The following PLEKHG2 variants were observed in gnomAD, a reference collection of about 807,000 sequenced individuals.
PLEKHG2 encodes pleckstrin homology and RhoGEF domain containing G2.
Under a neutral mutation model 104.4 loss-of-function variants are expected in PLEKHG2, and 71 were observed. That is an observed-to-expected ratio of 0.68 (90% CI 0.56 to 0.83). The LOEUF (loss-of-function observed/expected upper bound fraction) is 0.83, where lower values mean the gene tolerates loss of function less well. PLEKHG2 is among the 40% of genes least tolerant of loss of function. The pLI is 0.00. For missense variants in PLEKHG2, 1,730 were observed against 1,809.4 expected, an observed-to-expected ratio of 0.96 and a Z score of 0.80; for synonymous variants, 728 against 737.0, an observed-to-expected ratio of 0.99 and a Z score of 0.20.
chr19:39,414,073 T>C lies in PLEKHG2; in HGVS notation c.-14T>C. ...AGGGGCTCTTTCTGCAGGACTCTGC[T>C]GGGCCGCTCAGCCATGCCTGAGGGA... On this transcript the variant is annotated 5_prime_UTR_variant, in exon 2 of 19. Coordinates refer to ENST00000425673, the MANE Select transcript of PLEKHG2 (RefSeq NM_022835.3). The C allele has an allele frequency of 6.5e-7, 1 of 1,550,228 alleles. No homozygotes were observed. The highest frequency in any genetic ancestry group is 8.7e-7 in the Non-Finnish European group (1 of 1,146,062).
rs962221281 is a variant in PLEKHG2 at position 39,427,014 on chromosome 19, T to C, written c.*1720T>C. On this transcript the variant is annotated 3_prime_UTR_variant, in exon 19 of 19. Transcript: ENST00000425673. ...CGTGCACCACCATGCCCAGCTAATT[T>C]TTCGTTGTTGTTGTTGTTGTTTTGT... 3 of 152,182 alleles carry C rather than the reference T, an allele frequency of 2.0e-5. No individual in the cohort carries two copies. The highest frequency in any genetic ancestry group is 4.4e-5 in the Non-Finnish European group (3 of 68,150). 9.4% of individuals were successfully genotyped at this position (152,182 alleles called of 1,614,324 possible).
rs1328351462 is a variant in PLEKHG2 at position 39,422,283 on chromosome 19, C to A, written c.1672C>A (p.Pro558Thr). The A allele has an allele frequency of 9.9e-6, 16 of 1,610,310 alleles. No individual in the cohort carries two copies. Among genetic ancestry groups the A allele is most frequent in the Non-Finnish European group, 1.4e-5 (16 of 1,178,206 alleles). The change falls in exon 17 of 19, where the codon CCA becomes ACA. Residue 558 changes from proline (P) to threonine (T), a missense_variant. Transcript: ENST00000425673. Reference protein sequence around the residue: ...ELLNQRGLRDPGPSTHDIPKF... With the variant: ...ELLNQRGLRDTGPSTHDIPKF... ...GCTGAATCAGCGAGGCCTTCGAGAT[C>A]CAGGGGTGAGCTGGCTGTCCCATCA...
rs2078726978 is a variant in PLEKHG2, at chr19:39,423,153, A to C, written c.2099A>C (p.Gln700Pro). 1 of 1,613,546 alleles carries C rather than the reference A, an allele frequency of 6.2e-7. No homozygotes were observed. The highest frequency in any genetic ancestry group is 1.3e-5 in the African/African-American group (1 of 75,024). ...GACTCCTGGCTCCAAGGGCCTCTGC[A>C]GGAACCAGCTGAGGCTCCAGCCACC... ...SCDSWLQGPL[Q>P]EPAEAPATRR... Residue 700 changes from glutamine (Q) to proline (P), a missense_variant, in exon 18 of 19, where the codon CAG becomes CCG. Gln to Pro is a moderately conservative substitution (Grantham distance 76, BLOSUM62 -1). Transcript: ENST00000425673.
chr19:39,423,657 A>AGGTCC lies in PLEKHG2; in HGVS notation c.2599+7_2599+11dup. 6.5e-7 allele frequency: 1 copy of AGGTCC among 1,544,064 alleles called. No individual in the cohort carries two copies. The highest frequency in any genetic ancestry group is 8.7e-7 in the Non-Finnish European group (1 of 1,145,436). ...CCCCAGGAGCAGGCAGAGCCAGGTGAGGTCCGGGTACGTGGTTGGCAGAGG... is the reference window on the plus strand; with the variant it reads ...CCCCAGGAGCAGGCAGAGCCAGGTGAGGTCCGGTCCGGGTACGTGGTTGGCAGAGG... On this transcript the variant is annotated splice_donor_region_variant and intron_variant, in intron 18 of 18. Coordinates refer to ENST00000425673, the MANE Select transcript of PLEKHG2 (RefSeq NM_022835.3).
chr19:39,415,314 C>A lies in PLEKHG2; in HGVS notation c.379-25C>A. The A allele has an allele frequency of 6.2e-7, 1 of 1,611,736 alleles. No homozygotes were observed. Among genetic ancestry groups the A allele is most frequent in the South Asian group, 1.1e-5 (1 of 90,716 alleles). On this transcript the variant is annotated intron_variant, in intron 3 of 18. Transcript: ENST00000425673. The surrounding 1 kb of genome is among the most constrained non-coding windows in gnomAD (Gnocchi z 4.6). The stretch of plus-strand genomic sequence containing the variant: ...GGGTACCCAGGCCAGCCCCTTGGCC[C>A]CCATAACCCCAGTCATCCCAACAGG...
At chr19:39,421,178 G>T in intron 15 of PLEKHG2, 65 bp downstream of exon 15, 1 of 1,612,666 alleles carries the variant, frequency 6.2e-7, no homozygotes, top group South Asian at 1.1e-5. Context: ...TGTCTGGGGC[G>T]GGTTGGGGAG....
rs770968120 is a variant in PLEKHG2 at position 39,416,379 on chromosome 19, A to G, written c.511A>G (p.Ser171Gly). ...ELLEDLENSS[S>G]AGGIAECFVQ... ...CCTGGAGGACTTGGAGAACAGCAGC[A>G]GCGCCGGGGGTATTGCCGAGTGCTT... The change falls in exon 5 of 19, where the codon AGC becomes GGC. Residue 171 changes from serine to glycine, a missense_variant. Physicochemically the swap from Ser to Gly is moderately conservative, Grantham distance 56 (BLOSUM62 0). Transcript: ENST00000425673. The surrounding 1 kb of genome is among the most constrained non-coding windows in gnomAD (Gnocchi z 4.5). 35 of 1,612,770 alleles carry G rather than the reference A, an allele frequency of 2.2e-5. No individual in the cohort carries two copies. The highest frequency in any genetic ancestry group is 3.0e-5 in the Non-Finnish European group (35 of 1,179,780).
intron 7 of PLEKHG2, 70 bp downstream of exon 7, chr19:39,417,070 C>A: frequency 6.7e-7 from 1 of 1,495,758 alleles, no homozygotes; most frequent in Non-Finnish European, 8.9e-7. Context: ...GTTGGTTCAT[C>A]TGGAGGATGG....
At chr19:39,417,153 C>T (rs2078619316) in intron 7 of PLEKHG2, among the ~76,000 whole-genome samples, 153 bp downstream of exon 7, 1 of 149,610 alleles carries the variant, frequency 6.7e-6, no homozygotes, top group African/African-American at 2.5e-5. Flanking sequence ...ACAGCCCTAG[C>T]TTTTTTTTTT....
intron 11 of PLEKHG2, 118 bp downstream of exon 11, chr19:39,419,121 G>A: frequency 1.1e-6 from 1 of 938,020 alleles, no homozygotes; most frequent in Non-Finnish European, 1.5e-6. Context: ...ATTGCTAAAA[G>A]TGCAGAATTC....
At chr19:39,417,842 A>T in intron 8 of PLEKHG2, 63 bp from the exon 9 acceptor site, 2 of 1,505,138 alleles carry the variant, frequency 1.3e-6, no homozygotes. Context: ...TTTGGTGTGT[A>T]TGTGTGTGCC....
rs2078739290 is a variant in PLEKHG2 at position 39,423,765 on chromosome 19, T to C, written c.2632T>C (p.Cys878Arg). ...LLPAFGHVLV[C>R]ELAFPLTCAQ... Reference sequence around the variant, plus strand: ...GCCTGCCTTTGGACACGTGCTGGTATGTGAGCTGGCCTTCCCACTGACATG... The same window carrying C: ...GCCTGCCTTTGGACACGTGCTGGTACGTGAGCTGGCCTTCCCACTGACATG... The change falls in exon 19 of 19, where the codon TGT becomes CGT. Residue 878 changes from cysteine (C) to arginine (R), a missense_variant. Transcript: ENST00000425673. 1 of 1,613,658 alleles carries C rather than the reference T, an allele frequency of 6.2e-7. No individual in the cohort carries two copies. The highest frequency in any genetic ancestry group is 8.5e-7 in the Non-Finnish European group (1 of 1,179,648).
chr19:39,417,964 GGT>G lies in PLEKHG2; in HGVS notation c.945_946del (p.Leu316GlyfsTer18), dbSNP rs1442481725. The G allele has an allele frequency of 8.4e-6, 13 of 1,543,486 alleles. No homozygotes were observed. Among genetic ancestry groups the G allele is most frequent in the Non-Finnish European group, 1.1e-5 (13 of 1,145,344 alleles). On this transcript the variant is annotated frameshift_variant, in exon 9 of 19. Coordinates refer to ENST00000425673, the MANE Select transcript of PLEKHG2 (RefSeq NM_022835.3). LOFTEE classifies it high-confidence loss of function. ...GPELSAFGEL[V>X]LEGAFRGGGG... ...CAGAGCTCAGTGCTTTTGGGGAACT[GGT>G]GTTGGAGGGCGCGTTCCGAGGAGGC...
Position 39,423,436 on chromosome 19 carries a change from G to C in PLEKHG2, c.2382G>C (p.Ser794=). 1.9e-6 allele frequency: 3 copies of C among 1,609,990 alleles called. No individual in the cohort carries two copies. Among genetic ancestry groups the C allele is most frequent in the Non-Finnish European group, 2.5e-6 (3 of 1,177,724 alleles). Residue 794 remains serine, a synonymous_variant, in exon 18 of 19, where the codon TCG becomes TCC. Transcript: ENST00000425673. ...FPEPLLILED[S]DLGGDSGSGK... is the part of the protein sequence containing the mutation. Reference sequence around the variant, plus strand: ...AGCCACTGCTGATCCTGGAGGATTCGGATCTGGGTGGAGACAGCGGGAGCG... The same window carrying C: ...AGCCACTGCTGATCCTGGAGGATTCCGATCTGGGTGGAGACAGCGGGAGCG...
In PLEKHG2 at chr19:39,422,274, C is replaced by T; in HGVS notation, c.1663C>T (p.Leu555Phe). ...EILELLNQRG[L>F]RDPGPSTHDI... is the part of the protein sequence containing the mutation. ...CCTGGAACTGCTGAATCAGCGAGGCCTTCGAGATCCAGGGGTGAGCTGGCT... is the reference window on the plus strand; with the variant it reads ...CCTGGAACTGCTGAATCAGCGAGGCTTTCGAGATCCAGGGGTGAGCTGGCT... Residue 555 changes from leucine to phenylalanine, a missense_variant, in exon 17 of 19, where the codon CTT (leucine) becomes TTT (phenylalanine). By Grantham distance (22) the Leu-to-Phe change is conservative. Coordinates refer to ENST00000425673, the MANE Select transcript of PLEKHG2 (RefSeq NM_022835.3). The T allele has an allele frequency of 6.2e-7, 1 of 1,611,758 alleles. No homozygotes were observed. Among genetic ancestry groups the T allele is most frequent in the Non-Finnish European group, 8.5e-7 (1 of 1,178,918 alleles).
rs1284899948 is a variant in PLEKHG2 at position 39,422,141 on chromosome 19, C to T, written c.1530C>T (p.Tyr510=). The T allele has an allele frequency of 1.2e-6, 2 of 1,611,430 alleles. No homozygotes were observed. The highest frequency in any genetic ancestry group is 3.4e-5 in the Admixed American group (2 of 59,698). The stretch of plus-strand genomic sequence containing the variant: ...ACGCTGGCAGCGAAGGGGAACTCTA[C>T]CCTCCAGAATCTCAGCCACCAGTTT... ...FKHAGSEGEL[Y]PPESQPPVSG... is the part of the protein sequence containing the mutation. Residue 510 remains tyrosine, a synonymous_variant, in exon 17 of 19, where the codon TAC becomes TAT. Coordinates refer to ENST00000425673, the MANE Select transcript of PLEKHG2 (RefSeq NM_022835.3).
At position 39,425,001 on chromosome 19, in the gene PLEKHG2, C is replaced by G. The variant is rs2078761511; in HGVS notation, c.3868C>G (p.Leu1290Val). Residue 1290 changes from leucine (L) to valine (V), a missense_variant, in exon 19 of 19, where the codon CTG becomes GTG. Leu to Val is a conservative substitution (Grantham distance 32, BLOSUM62 1). Transcript: ENST00000425673. ...YLAASYISQS[L>V]ARRQGPGGGA... ...GGCAGCCTCATATATCAGCCAGAGC[C>G]TGGCTCGGCGGCAGGGGCCTGGGGG... 4 of 1,610,106 alleles carry G rather than the reference C, an allele frequency of 2.5e-6. No individual in the cohort carries two copies. The highest frequency in any genetic ancestry group is 3.4e-6 in the Non-Finnish European group (4 of 1,177,504).
intron 9 of PLEKHG2, 70 bp downstream of exon 9, chr19:39,418,175 G>A: frequency 7.7e-7 from 1 of 1,296,344 alleles, no homozygotes. Context: ...GTATCTGTGT[G>A]CCCGGCAGTG....
At chr19:39,421,320 G>C (rs972297396) in intron 16 of PLEKHG2, 21 bp downstream of exon 16, 2 of 1,612,366 alleles carry the variant, frequency 1.2e-6, no homozygotes, top group Admixed American at 1.7e-5. Flanking sequence ...TCTCGAGATA[G>C]GGTCTGGGCA....
Sources: gnomAD v4.1 joint callset for allele counts (sites outside exome capture counted in the v4.1 genomes callset) on GRCh38, gnomAD v4.1.1 for gene constraint, Gnocchi (gnomAD v3.1) non-coding constraint, MANE v1.5 for transcripts, NCBI Gene and HGNC (gene_info 2026-07-23, HGNC 2026-07-21) for gene names.